KIAA1217: variants seen among roughly 807,000 people sequenced by gnomAD.
KIAA1217 encodes sickle tail protein homolog.
Under a neutral mutation model 163.9 loss-of-function variants are expected in KIAA1217, and 88 were observed. That is an observed-to-expected ratio of 0.54 (90% CI 0.45 to 0.64). The LOEUF (loss-of-function observed/expected upper bound fraction) is 0.64, where lower values mean the gene tolerates loss of function less well. Among genes scored for constraint, KIAA1217 ranks in the 30% least tolerant of loss-of-function variants. The pLI is 0.00. For synonymous variants in KIAA1217, 903 were observed against 923.1 expected (o/e 0.98, Z 0.39); for missense variants, 2,372 against 2,475.0 (o/e 0.96, Z 0.88).
intron 5 of KIAA1217, 114 bp from the exon 6 acceptor site, chr10:24,473,114 T>C (rs2063703207): frequency 7.4e-6 from 5 of 676,494 alleles, no homozygotes; most frequent in Non-Finnish European, 1.2e-5. Flanking sequence ...TATTCACAGA[T>C]TCCAGGATGA....
intron 1 of KIAA1217, among the ~76,000 whole-genome samples, chr10:23,850,007 G>A (rs1337468201): frequency 6.6e-6 from 1 of 151,960 alleles, no homozygotes; most frequent in East Asian, 1.9e-4. Flanking sequence ...TTTTTTTATT[G>A]TGTGTTCAAA....
intron 8 of KIAA1217, among the ~76,000 whole-genome samples, chr10:24,497,601 T>C (rs772257582): frequency 6.6e-6 from 1 of 151,730 alleles, no homozygotes; most frequent in African/African-American, 2.4e-5. Context: ...ATGTTTGTAG[T>C]CCCACATACT....
intron 1 of KIAA1217, among the ~76,000 whole-genome samples, chr10:23,993,573 T>TTTTTTTTTTTTG: frequency 7.0e-6 from 1 of 142,204 alleles, no homozygotes; most frequent in Non-Finnish European, 1.5e-5. Context: ...TTTTTTTTTT[T>TTTTTTTTTTTTG]GAGACAGAGT....
chr10:23,877,379 G>T (rs1052691345), intron 1 of KIAA1217: 1 of 151,914 alleles, frequency 6.6e-6, no homozygotes, highest in African/African-American at 2.4e-5. Context: ...ATATGTTAAA[G>T]TCCATTTTTA....
intron 1 of KIAA1217, among the ~76,000 whole-genome samples, chr10:23,732,640 C>T (rs969719330): frequency 1.3e-5 from 2 of 152,206 alleles, no homozygotes; most frequent in Non-Finnish European, 2.9e-5. Flanking sequence ...TTTCCAATTT[C>T]ATTGATGTCT....
intron 1 of KIAA1217, among the ~76,000 whole-genome samples, chr10:23,788,886 C>T (rs1835612001): frequency 6.6e-6 from 1 of 152,204 alleles, no homozygotes; most frequent in Admixed American, 6.5e-5. Flanking sequence ...TTACTATTAC[C>T]AATGTCCTTT....
At position 24,532,008 on chromosome 10, in the gene KIAA1217, G is replaced by A; in HGVS notation, c.3246+15G>A. 1 of 1,487,954 alleles carries A rather than the reference G, an allele frequency of 6.7e-7. No individual in the cohort carries two copies. The highest frequency in any genetic ancestry group is 9.0e-7 in the Non-Finnish European group (1 of 1,108,296). 92.2% of individuals were successfully genotyped at this position (1,487,954 alleles called of 1,614,324 possible). A position where few individuals can be genotyped will look rare whatever the true frequency, so the allele number is the denominator to read the frequency against. On this transcript the variant is annotated intron_variant, in intron 15 of 20. Coordinates refer to ENST00000376454, the MANE Select transcript of KIAA1217 (RefSeq NM_019590.5). ...TCACCGCTAAGGTCTGATAGGCTAA[G>A]CCCTGGTAAACTGGCCTCTGGGTTC...
At chr10:24,312,073 A>T (rs1051382572) in intron 2 of KIAA1217, among the ~76,000 whole-genome samples, 5 of 152,154 alleles carry the variant, frequency 3.3e-5, no homozygotes, top group African/African-American at 1.2e-4. Context: ...AGGCAATGTC[A>T]TCACAGTTTA....
chr10:24,313,337 G>A (rs1297612727), intron 2 of KIAA1217, among the ~76,000 whole-genome samples: 1 of 152,186 alleles, frequency 6.6e-6, no homozygotes, highest in Non-Finnish European at 1.5e-5. Context: ...AAACACTGAC[G>A]TGACAAAGTG....
intron 2 of KIAA1217, among the ~76,000 whole-genome samples, chr10:24,015,331 T>C (rs1847425348): frequency 6.6e-6 from 1 of 152,100 alleles, no homozygotes; most frequent in African/African-American, 2.4e-5. Context: ...ATGTGATCCT[T>C]CCATAAGAAT....
intron 2 of KIAA1217, among the ~76,000 whole-genome samples, chr10:24,359,871 C>T (rs1404797370): frequency 6.6e-6 from 1 of 151,916 alleles, no homozygotes; most frequent in Non-Finnish European, 1.5e-5. Flanking sequence ...TAAAGTCTCA[C>T]AAGGCTACGT....
intron 2 of KIAA1217, among the ~76,000 whole-genome samples, chr10:24,080,618 C>A (rs1247484158): frequency 6.6e-6 from 1 of 152,110 alleles, no homozygotes; most frequent in Admixed American, 6.6e-5. Context: ...CAAAAAGAAG[C>A]AACATTTTAA....
At chr10:24,070,718 G>T (rs2061154796) in intron 2 of KIAA1217, among the ~76,000 whole-genome samples, 1 of 152,130 alleles carries the variant, frequency 6.6e-6, no homozygotes, top group Non-Finnish European at 1.5e-5. Flanking sequence ...GTGGTAATTT[G>T]TTCAGTTTTT....
At chr10:24,542,506 G>C in intron 17 of KIAA1217, 187 bp from the exon 18 acceptor site, 9 of 1,423,442 alleles carry the variant, frequency 6.3e-6, no homozygotes, top group Non-Finnish European at 8.3e-6. Context: ...TGCAAACACA[G>C]GGCATTTTTG....
intron 2 of KIAA1217, among the ~76,000 whole-genome samples, chr10:24,267,756 C>A (rs1323920041): frequency 6.6e-6 from 1 of 152,080 alleles, no homozygotes; most frequent in Non-Finnish European, 1.5e-5. Flanking sequence ...GAGAAAGCAC[C>A]AATCAAAACA....
intron 1 of KIAA1217, among the ~76,000 whole-genome samples, chr10:23,896,498 G>C (rs1416144042): frequency 6.6e-6 from 1 of 152,034 alleles, no homozygotes; most frequent in East Asian, 1.9e-4. Flanking sequence ...GATCACCACA[G>C]TGCAGTGCTA....
intron 1 of KIAA1217, among the ~76,000 whole-genome samples, chr10:23,877,124 C>A (rs941900385): frequency 1.3e-5 from 2 of 152,024 alleles, no homozygotes; most frequent in South Asian, 4.1e-4. Flanking sequence ...TCACTAGATG[C>A]GTTTTCTTTG....
intron 6 of KIAA1217, among the ~76,000 whole-genome samples, chr10:24,491,446 C>T (rs12252599): frequency 0.014 from 2,120 of 152,002 alleles, 46 homozygotes; most frequent in African/African-American, 0.041. Flanking sequence ...TGTGCCACCA[C>T]ACCCAGCTAA....
At chr10:23,694,852 GC>G (rs1835924712) in exon 1 of KIAA1217, 1 of 152,712 alleles carries the variant, frequency 6.5e-6, no homozygotes, top group Non-Finnish European at 1.5e-5. Flanking sequence ...CTACCCGCCC[GC>G]GGGGGAGCCT....
Sources: gnomAD v4.1 joint callset for allele counts (sites outside exome capture counted in the v4.1 genomes callset) on GRCh38, gnomAD v4.1.1 for gene constraint, MANE v1.5 for transcripts, NCBI Gene and HGNC (gene_info 2026-07-23, HGNC 2026-07-21) for gene names.